Variants in FN1 observed in about 807,000 individuals in gnomAD.
FN1 encodes the protein fibronectin 1.
FN1 carries 106 observed loss-of-function variants against 297.3 expected under a neutral mutation model. The observed-to-expected ratio is 0.36, with a 90% confidence interval of 0.30 to 0.42. FN1 has a LOEUF of 0.42. FN1 is among the 10% of genes least tolerant of loss of function. The pLI, the probability that FN1 is intolerant of heterozygous loss-of-function variation, is 1.00. For missense variants in FN1, 2,690 were observed against 3,124.9 expected (o/e 0.86, Z 3.32); for synonymous variants, 1,149 against 1,152.6 (o/e 1.00, Z 0.06).
At chr2:215,423,325 A>G (rs2064777578) in intron 9 of FN1, 25 bp downstream of exon 9, 2 of 1,612,958 alleles carry the variant, frequency 1.2e-6, no homozygotes, top group South Asian at 2.2e-5. Context: ...GTCAAACAAG[A>G]CAACCCACAA....
In FN1 at chr2:215,430,833, A is replaced by T; in HGVS notation, c.567T>A (p.His189Gln). 1 of 1,614,168 alleles carries T rather than the reference A, an allele frequency of 6.2e-7. No individual in the cohort carries two copies. The highest frequency in any genetic ancestry group is 8.5e-7 in the Non-Finnish European group (1 of 1,180,016). Residue 189 changes from histidine (H) to glutamine (Q), a missense_variant, in exon 5 of 46, where the codon CAT becomes CAA. By Grantham distance (24) the His-to-Gln change is conservative. Around this residue, in one of 3 missense-constraint regions of FN1, gnomAD observed 876 missense variants for 1,058.1 expected, o/e 0.83. Transcript: ENST00000354785. Reference sequence around the variant, plus strand: ...CGACCACATAGGAAGTCCCAGCAGCATGATCAAAACACTTCTCAGCTGTAG... The same window carrying T: ...CGACCACATAGGAAGTCCCAGCAGCTTGATCAAAACACTTCTCAGCTGTAG... ...CKPIAEKCFD[H>Q]AAGTSYVVGE...
chr2:215,409,783 G>C, intron 14 of FN1, 44 bp from the exon 15 acceptor site: 2 of 1,609,678 alleles, frequency 1.2e-6, no homozygotes, highest in Non-Finnish European at 1.7e-6. Context: ...CAGTCATCTA[G>C]AAAATTTACC....
intron 19 of FN1, 78 bp downstream of exon 19, chr2:215,406,160 T>G (rs1575607998): frequency 7.0e-7 from 1 of 1,420,360 alleles, no homozygotes; most frequent in Non-Finnish European, 9.9e-7. Context: ...TCTGAGTGAA[T>G]GGTTTACTGC....
At chr2:215,424,348 G>A (rs1302216537) in intron 7 of FN1, 23 bp from the exon 8 acceptor site, 13 of 1,604,066 alleles carry the variant, frequency 8.1e-6, no homozygotes, top group Admixed American at 1.7e-5. Context: ...TCAAAAGAGT[G>A]TCAGTAAACA....
In FN1 at chr2:215,400,772, A is replaced by G. The variant is rs867298995; in HGVS notation, c.3254-1421T>C. On this transcript the variant is annotated intron_variant, in intron 20 of 45. Coordinates refer to ENST00000354785, the MANE Select transcript of FN1 (RefSeq NM_212482.4). Reference sequence around the variant, plus strand: ...ATCTCAAAAAAAAAAAAAAAAAAAAAAAAGAAAGAAAATAAAATTTTACTT... The same window carrying G: ...ATCTCAAAAAAAAAAAAAAAAAAAAGAAAGAAAGAAAATAAAATTTTACTT... Among the ~76,000 whole-genome samples the G allele has an allele frequency of 1.1e-4, 17 of 150,156 alleles. No individual in the cohort carries two copies. The South Asian group carries it at 1.3e-3, about 11-fold the overall frequency.
At chr2:215,419,413 C>G in intron 11 of FN1, 28 bp from the exon 12 acceptor site, 1 of 1,601,116 alleles carries the variant, frequency 6.2e-7, no homozygotes, top group Non-Finnish European at 8.6e-7. Flanking sequence ...AAAAGATAAA[C>G]AGCCTTGAAG....
chr2:215,435,844 T>G lies in FN1; in HGVS notation c.-42A>C. 1.3e-6 allele frequency: 2 copies of G among 1,513,470 alleles called. No individual in the cohort carries two copies. Among genetic ancestry groups the G allele is most frequent in the Non-Finnish European group, 1.8e-6 (2 of 1,132,634 alleles). 93.8% of individuals were successfully genotyped at this position (1,513,470 alleles called of 1,614,324 possible). The stretch of plus-strand genomic sequence containing the variant: ...AGAGACGCCCGCACCGGGAGGCAAG[T>G]TGCCACCAAGTTTGCTTCCCTTCGC... On this transcript the variant is annotated 5_prime_UTR_variant, in exon 1 of 46. Transcript: ENST00000354785.
chr2:215,379,429 C>T, intron 33 of FN1, 112 bp from the exon 34 acceptor site: 3 of 883,014 alleles, frequency 3.4e-6, no homozygotes, highest in South Asian at 2.8e-5. Context: ...AGGTGGGTTC[C>T]CTGGTCAAGC....
chr2:215,428,131 T>A, intron 6 of FN1, 49 bp downstream of exon 6: 1 of 1,607,964 alleles, frequency 6.2e-7, no homozygotes, highest in Non-Finnish European at 8.5e-7. Context: ...GCGGAAATAT[T>A]TCTTGACCTG....
intron 18 of FN1, 86 bp downstream of exon 18, chr2:215,407,041 G>A: frequency 1.0e-6 from 1 of 987,706 alleles, no homozygotes; most frequent in South Asian, 1.3e-5. Context: ...TCTTGAATGA[G>A]AGGACTGTTG....
At chr2:215,378,896 C>T (rs181498758) in intron 34 of FN1, among the ~76,000 whole-genome samples, 59 of 152,272 alleles carry the variant, frequency 3.9e-4, no homozygotes, top group African/African-American at 1.3e-3. Context: ...AAGCACAATA[C>T]ATCTAAAAGA....
intron 36 of FN1, 70 bp downstream of exon 36, chr2:215,376,428 A>C: frequency 7.3e-7 from 1 of 1,370,274 alleles, no homozygotes; most frequent in East Asian, 2.3e-5. Flanking sequence ...CAGTCGTAGA[A>C]CAGTTAATAA....
intron 15 of FN1, among the ~76,000 whole-genome samples, chr2:215,408,828 C>T (rs775494379): frequency 7.2e-5 from 11 of 152,252 alleles, no homozygotes; most frequent in South Asian, 2.1e-4. Flanking sequence ...CCTCAGCTTC[C>T]CGAAGTGCTG....
intron 38 of FN1, 96 bp from the exon 39 acceptor site, chr2:215,373,507 T>G: frequency 2.1e-6 from 2 of 963,324 alleles, no homozygotes; most frequent in South Asian, 2.6e-5. Flanking sequence ...AGCAGGCACT[T>G]CCTCTCCAGC....
Position 215,434,743 on chromosome 2 carries a change from G to A in FN1, c.230C>T (p.Thr77Ile). 1 of 1,614,094 alleles carries A rather than the reference G, an allele frequency of 6.2e-7. No homozygotes were observed. Among genetic ancestry groups the A allele is most frequent in the East Asian group, 2.2e-5 (1 of 44,870 alleles). ...RTYLGNALVC[T>I]CYGGSRGFNC... ...AAAACCTCGGCTTCCTCCATAACAAGTACAAACCAACGCATTGCCTAGGTA... is the reference window on the plus strand; with the variant it reads ...AAAACCTCGGCTTCCTCCATAACAAATACAAACCAACGCATTGCCTAGGTA... Residue 77 changes from threonine to isoleucine, a missense_variant, in exon 2 of 46, where the codon ACT becomes ATT. Physicochemically the swap from Thr to Ile is moderately conservative, Grantham distance 89. Coordinates refer to ENST00000354785, the MANE Select transcript of FN1 (RefSeq NM_212482.4).
At chr2:215,423,752 C>G (rs973734157) in intron 8 of FN1, among the ~76,000 whole-genome samples, 1 of 151,838 alleles carries the variant, frequency 6.6e-6, no homozygotes, top group Non-Finnish European at 1.5e-5. Flanking sequence ...CCCCAGCACC[C>G]CCCCCACAAA....
intron 20 of FN1, among the ~76,000 whole-genome samples, chr2:215,401,789 T>C (rs2061202265): frequency 2.0e-5 from 3 of 152,242 alleles, no homozygotes; most frequent in South Asian, 2.1e-4. Flanking sequence ...TAAGGAGCCA[T>C]TTTTTATTTT....
In FN1 at chr2:215,435,734, G is replaced by A; in HGVS notation, c.69C>T (p.Ser23=). 12 of 1,607,354 alleles carry A rather than the reference G, an allele frequency of 7.5e-6. No homozygotes were observed. The highest frequency in any genetic ancestry group is 1.0e-5 in the Non-Finnish European group (12 of 1,177,562). ...GCCTCTTGCTCTTCGAGGCTCCCGT[G>A]GAGGGCACCGCTGTCCCCAGGCACT... ...AVQCLGTAVP[S]TGASKSKRQA... Residue 23 remains serine, a synonymous_variant, in exon 1 of 46, where the codon TCC becomes TCT. Transcript: ENST00000354785.
At chr2:215,379,376 A>G in intron 33 of FN1, 59 bp from the exon 34 acceptor site, 1 of 1,496,968 alleles carries the variant, frequency 6.7e-7, no homozygotes, top group South Asian at 1.1e-5. Context: ...AAAGGAAAAT[A>G]AAGTGAGTTC....
Sources: gnomAD v4.1 joint callset for allele counts (sites outside exome capture counted in the v4.1 genomes callset) on GRCh38, gnomAD v4.1.1 for gene constraint, gnomAD v4.1.1 regional missense constraint, MANE v1.5 for transcripts, NCBI Gene and HGNC (gene_info 2026-07-23, HGNC 2026-07-21) for gene names.